PDIA5: variants seen among roughly 807,000 people sequenced by gnomAD.
PDIA5 encodes protein disulfide isomerase family A member 5, also known as protein disulfide-isomerase A5.
In PDIA5, 58 loss-of-function variants were observed where a neutral mutation model predicts 77.6. The observed-to-expected ratio is 0.75, with a 90% CI of 0.61 to 0.93. The LOEUF (loss-of-function observed/expected upper bound fraction) is 0.93. PDIA5 is among the 40% of genes least tolerant of loss of function. The pLI, the probability that PDIA5 is intolerant of heterozygous loss-of-function variation, is 0.00. For synonymous variants in PDIA5, 250 were observed against 252.1 expected (o/e 0.99, Z 0.08); for missense variants, 630 against 647.7 (o/e 0.97, Z 0.30).
At chr3:123,101,054 G>T (rs1934578462) in intron 3 of PDIA5, among the ~76,000 whole-genome samples, 1 of 152,202 alleles carries the variant, frequency 6.6e-6, no homozygotes, top group African/African-American at 2.4e-5. Context: ...TCTCTGACTG[G>T]CTGAGTGCAG....
intron 10 of PDIA5, among the ~76,000 whole-genome samples, chr3:123,126,418 C>G (rs1025143726): frequency 6.6e-6 from 1 of 152,210 alleles, no homozygotes; most frequent in East Asian, 1.9e-4. Context: ...ATTCTGCTAC[C>G]AGCTGGCTTA....
At chr3:123,067,310 C>G in intron 1 of PDIA5, 104 bp downstream of exon 1, 17 of 986,792 alleles carry the variant, frequency 1.7e-5, no homozygotes, top group Non-Finnish European at 2.2e-5. Flanking sequence ...GGGAGCTGCC[C>G]CGGGGCACCG....
chr3:123,130,411 G>C, intron 10 of PDIA5, 69 bp from the exon 11 acceptor site: 1 of 1,519,260 alleles, frequency 6.6e-7, no homozygotes, highest in Non-Finnish European at 8.9e-7. Context: ...GGGTCCAGGG[G>C]CCTGGAATTA....
At chr3:123,099,451 C>T (rs1934527749) in intron 3 of PDIA5, among the ~76,000 whole-genome samples, 1 of 152,198 alleles carries the variant, frequency 6.6e-6, no homozygotes, top group South Asian at 2.1e-4. Context: ...AGGAAGCCTC[C>T]TCCCCACTCA....
intron 8 of PDIA5, among the ~76,000 whole-genome samples, chr3:123,117,374 T>TTTTATATATATA (rs1553800660): frequency 1.3e-5 from 1 of 79,868 alleles, no homozygotes; most frequent in Admixed American, 1.5e-4. Context: ...TTCTATGATT[T>TTTTATATATATA]TATATATATA....
rs1033777190 is a variant in PDIA5, at chr3:123,083,709, G to A, written c.43-5459G>A. ...AACAGATAGTTTTTGCATCATTAAC[G>A]TTGTTATTGTTGCTGTAGTTATTGT... On this transcript the variant is annotated intron_variant, in intron 1 of 16. Coordinates refer to ENST00000316218, the MANE Select transcript of PDIA5 (RefSeq NM_006810.4). Among the ~76,000 whole-genome samples the A allele has an allele frequency of 1.3e-4, 20 of 152,164 alleles. No individual in the cohort carries two copies. In the East Asian group the frequency reaches 1.3e-3, roughly 10 times the overall value.
At position 123,102,473 on chromosome 3, in the gene PDIA5, A is replaced by G. The variant is rs371954514; in HGVS notation, c.320A>G (p.Lys107Arg). ...MKVDLSPKDKKVELFHYQDGA... is the reference protein window; with the variant it reads ...MKVDLSPKDKRVELFHYQDGA... ...GTTGACCTGAGCCCGAAGGACAAAA[A>G]GGTTGAATTATTCCATTACCAGTAA... Residue 107 changes from lysine to arginine, a missense_variant, in exon 4 of 17, where the codon AAG becomes AGG. By Grantham distance (26) the Lys-to-Arg change is conservative. Transcript: ENST00000316218. 3 of 1,613,646 alleles carry G rather than the reference A, an allele frequency of 1.9e-6. No individual in the cohort carries two copies. Among genetic ancestry groups the G allele is most frequent in the Non-Finnish European group, 2.5e-6 (3 of 1,179,592 alleles).
intron 1 of PDIA5, among the ~76,000 whole-genome samples, chr3:123,070,613 G>C (rs1246619701): frequency 6.6e-6 from 1 of 152,302 alleles, no homozygotes; most frequent in East Asian, 1.9e-4. Flanking sequence ...CCTGCCAAGT[G>C]CTCCTGGACA....
At chr3:123,083,134 C>T (rs13075358) in intron 1 of PDIA5, among the ~76,000 whole-genome samples, 44,014 of 147,408 alleles carry the variant, frequency 0.3, 8,023 homozygotes, top group East Asian at 0.42. Context: ...GTGCCTGGCA[C>T]TCTGGTGCTG....
At chr3:123,086,300 T>A (rs750350580) in intron 1 of PDIA5, among the ~76,000 whole-genome samples, 1 of 152,218 alleles carries the variant, frequency 6.6e-6, no homozygotes, top group Non-Finnish European at 1.5e-5. Context: ...ACGAGGGAAG[T>A]ATCATTATCT....
chr3:123,161,240 C>A, intron 15 of PDIA5, 81 bp from the exon 16 acceptor site: 1 of 1,444,412 alleles, frequency 6.9e-7, no homozygotes, highest in Non-Finnish European at 9.5e-7. Context: ...GTGACGTGGA[C>A]TAGATGTGCA....
intron 14 of PDIA5, among the ~76,000 whole-genome samples, chr3:123,151,676 G>C (rs535541139): frequency 1.3e-5 from 2 of 152,294 alleles, no homozygotes; most frequent in East Asian, 3.9e-4. Context: ...TGAATCCCCA[G>C]GGAATCTGGG....
At chr3:123,095,431 G>A (rs1934408391) in intron 3 of PDIA5, among the ~76,000 whole-genome samples, 1 of 152,068 alleles carries the variant, frequency 6.6e-6, no homozygotes, top group Admixed American at 6.6e-5. Context: ...CCAGGCCATG[G>A]GTGTTTTGCT....
Position 123,161,978 on chromosome 3 carries a change from G to C in PDIA5, c.*18G>C, listed in dbSNP as rs1226673889. On this transcript the variant is annotated 3_prime_UTR_variant, in exon 17 of 17. Transcript: ENST00000316218. ...AGTTATAATTCCTGCCTCAGAAAAA[G>C]CTTTTCCATTACACTGTGAATGATA... 6.9e-7 allele frequency: 1 copy of C among 1,451,010 alleles called. No individual in the cohort carries two copies. The highest frequency in any genetic ancestry group is 9.7e-7 in the Non-Finnish European group (1 of 1,032,934). The allele number at this position is 1,451,010 out of a possible 1,614,324, so 89.9% of individuals were successfully genotyped here. A position where few individuals can be genotyped will look rare whatever the true frequency, so the allele number is the denominator to read the frequency against.
intron 2 of PDIA5, among the ~76,000 whole-genome samples, chr3:123,090,783 C>T (rs1934264867): frequency 6.6e-6 from 1 of 152,172 alleles, no homozygotes; most frequent in Admixed American, 6.5e-5. Context: ...CTCTCTTTCC[C>T]TCACCCGACC....
chr3:123,126,346 C>T (rs1935246239), intron 10 of PDIA5, among the ~76,000 whole-genome samples: 1 of 152,150 alleles, frequency 6.6e-6, no homozygotes, highest in Admixed American at 6.5e-5. Context: ...CCCCCATCCC[C>T]CGCTGTGGGA....
At chr3:123,127,880 A>G (rs1295034540) in intron 10 of PDIA5, among the ~76,000 whole-genome samples, 2 of 152,186 alleles carry the variant, frequency 1.3e-5, no homozygotes, top group Non-Finnish European at 2.9e-5. Context: ...TTCAACGAGC[A>G]TGTATTGAGT....
At chr3:123,148,785 A>G (rs1218718827) in intron 13 of PDIA5, among the ~76,000 whole-genome samples, 1 of 152,202 alleles carries the variant, frequency 6.6e-6, no homozygotes, top group East Asian at 1.9e-4. Flanking sequence ...GGCCCTATCC[A>G]GGGACAAATA....
At chr3:123,146,304 G>C in intron 13 of PDIA5, 45 bp downstream of exon 13, 1 of 1,544,348 alleles carries the variant, frequency 6.5e-7, no homozygotes, top group Admixed American at 1.7e-5. Context: ...GCCAGCTGGC[G>C]GCCCCTGGAG....
Sources: allele counts gnomAD v4.1 joint callset (sites outside exome capture counted in the v4.1 genomes callset), GRCh38; gene constraint gnomAD v4.1.1; transcripts MANE v1.5; gene names NCBI Gene and HGNC (gene_info 2026-07-23, HGNC 2026-07-21).